The following AARS1 variants were observed in gnomAD, a reference collection of about 807,000 sequenced individuals.
AARS1 encodes alanyl-tRNA synthetase 1.
AARS1 carries 72 observed loss-of-function variants against 108.9 expected under a neutral mutation model. The observed-to-expected ratio is 0.66, with a 90% CI of 0.55 to 0.80. AARS1 has a LOEUF of 0.80. Ranked by LOEUF, AARS1 falls within the 30% of genes least tolerant of loss-of-function variation. The probability of loss-of-function intolerance (pLI) is 0.00; values close to 1 mark genes in which losing one functional copy is unlikely to be tolerated. For synonymous variants in AARS1, 489 were observed against 465.7 expected (o/e 1.05, Z -0.64); for missense variants, 1,193 against 1,233.2 (o/e 0.97, Z 0.49).
intron 5 of AARS1, among the ~76,000 whole-genome samples, chr16:70,271,079 G>C (rs1960389043): frequency 6.6e-6 from 1 of 152,034 alleles, no homozygotes; most frequent in South Asian, 2.1e-4. Flanking sequence ...GCAGGCTGAG[G>C]CAGGAGAATC....
intron 13 of AARS1, among the ~76,000 whole-genome samples, chr16:70,259,927 C>T (rs1960094172): frequency 6.6e-6 from 1 of 152,094 alleles, no homozygotes; most frequent in African/African-American, 2.4e-5. Context: ...CATGCACCAC[C>T]ACACCCGGCT....
At chr16:70,273,855 T>C (rs1458117991) in intron 4 of AARS1, among the ~76,000 whole-genome samples, 2 of 95,688 alleles carry the variant, frequency 2.1e-5, no homozygotes, top group African/African-American at 9.1e-5. Context: ...AGAGCGGGAC[T>C]CCGTCTCCAA....
intron 7 of AARS1, 131 bp from the exon 8 acceptor site, chr16:70,268,510 C>A (rs943635157): frequency 3.2e-5 from 22 of 698,246 alleles, no homozygotes; most frequent in Non-Finnish European, 5.1e-5. Flanking sequence ...TTTCGCATTC[C>A]CCAAGGTCAT....
intron 6 of AARS1, among the ~76,000 whole-genome samples, chr16:70,269,983 AT>A (rs200415664): frequency 1.0e-4 from 15 of 149,260 alleles, no homozygotes; most frequent in African/African-American, 1.5e-4. Context: ...TCACATTATT[AT>A]TTTTTTTTTG....
In AARS1 at chr16:70,252,858, A is replaced by C. The variant is rs766897796; in HGVS notation, c.2770T>G (p.Ser924Ala). ...LKASEWVQQVSGLMDGKGGGK... is the reference protein window; with the variant it reads ...LKASEWVQQVAGLMDGKGGGK... ...CCACCTTTACCGTCCATCAAGCCTGACACCTGCTGCACCCACTCGCTGGCT... is the reference window on the plus strand; with the variant it reads ...CCACCTTTACCGTCCATCAAGCCTGCCACCTGCTGCACCCACTCGCTGGCT... The change falls in exon 21 of 21, where the codon TCA becomes GCA. Residue 924 changes from serine (S) to alanine (A), a missense_variant. Transcript: ENST00000261772. 1.4e-5 allele frequency: 23 copies of C among 1,614,084 alleles called. No individual in the cohort carries two copies. The Admixed American group carries it at 3.8e-4, about 27-fold the overall frequency.
intron 2 of AARS1, among the ~76,000 whole-genome samples, chr16:70,277,758 CTTTT>C (rs573677725): frequency 4.4e-5 from 6 of 137,812 alleles, no homozygotes; most frequent in Non-Finnish European, 1.6e-5. Context: ...CCACTAGACA[CTTTT>C]TTTTTTTTTT....
rs1486071159 is a variant in AARS1, at chr16:70,261,173, G to GA, written c.1672-17dup. 6.4e-7 allele frequency: 1 copy of GA among 1,564,898 alleles called. No individual in the cohort carries two copies. The highest frequency in any genetic ancestry group is 8.8e-7 in the Non-Finnish European group (1 of 1,135,796). On this transcript the variant is annotated splice_polypyrimidine_tract_variant and intron_variant, in intron 12 of 20. Coordinates refer to ENST00000261772, the MANE Select transcript of AARS1 (RefSeq NM_001605.3). ...ACTCTGTTTTCTAAGAGGGGTCAAG[G>GA]AAGAGACCAATAAATAAATCCTTAA...
At chr16:70,261,390 G>A in intron 12 of AARS1, 2 of 375,046 alleles carry the variant, frequency 5.3e-6, no homozygotes, top group South Asian at 2.3e-5. Context: ...GAGGCCAGGA[G>A]TTCGAGACCA....
intron 7 of AARS1, among the ~76,000 whole-genome samples, chr16:70,268,732 C>T (rs180932708): frequency 1.3e-4 from 20 of 152,296 alleles, no homozygotes; most frequent in African/African-American, 4.1e-4. Flanking sequence ...TCACCCTGCC[C>T]CTGCCAATCT....
chr16:70,286,986 T>A (rs1597451294), intron 1 of AARS1, among the ~76,000 whole-genome samples: 1 of 150,672 alleles, frequency 6.6e-6, no homozygotes, highest in South Asian at 2.1e-4. Flanking sequence ...GCGCGGTGGC[T>A]CACGCCTGTA....
intron 2 of AARS1, among the ~76,000 whole-genome samples, chr16:70,281,868 C>G (rs1434864160): frequency 6.6e-6 from 1 of 150,406 alleles, no homozygotes; most frequent in African/African-American, 2.4e-5. Context: ...ATAATAATAG[C>G]TGGCCGGGCG....
At position 70,271,763 on chromosome 16, in the gene AARS1, G is replaced by T. The variant is rs1159729669; in HGVS notation, c.671+18C>A. The T allele has an allele frequency of 4.3e-6, 7 of 1,613,468 alleles. No homozygotes were observed. Among genetic ancestry groups the T allele is most frequent in the Non-Finnish European group, 5.1e-6 (6 of 1,179,550 alleles). ...TGCTCAGCTCAAGGAAAGGAATGGA[G>T]TAGGAACCCAAGGCTACCTGTTATA... On this transcript the variant is annotated intron_variant, in intron 5 of 20. Coordinates refer to ENST00000261772, the MANE Select transcript of AARS1 (RefSeq NM_001605.3).
chr16:70,282,484 C>T, intron 2 of AARS1, 136 bp downstream of exon 2: 2 of 1,057,056 alleles, frequency 1.9e-6, no homozygotes, highest in East Asian at 2.4e-5. Context: ...AAACTGAGGC[C>T]CATCACATAA....
intron 1 of AARS1, among the ~76,000 whole-genome samples, chr16:70,283,891 G>A (rs1249984668): frequency 6.6e-6 from 1 of 152,156 alleles, no homozygotes; most frequent in Non-Finnish European, 1.5e-5. Flanking sequence ...GGAACTGGTG[G>A]AGAGAGAAAA....
intron 9 of AARS1, among the ~76,000 whole-genome samples, chr16:70,266,047 C>T (rs1960255084): frequency 1.3e-5 from 2 of 152,174 alleles, no homozygotes; most frequent in African/African-American, 4.8e-5. Context: ...GGCGCTGTGG[C>T]TCACGCCTGT....
chr16:70,260,905 AC>A, intron 13 of AARS1, 138 bp downstream of exon 13: 1 of 641,380 alleles, frequency 1.6e-6, no homozygotes. Flanking sequence ...CTCATGATCC[AC>A]CCGCCTCGGC....
chr16:70,288,029 T>A (rs1960897759), intron 1 of AARS1, among the ~76,000 whole-genome samples: 1 of 151,110 alleles, frequency 6.6e-6, no homozygotes, highest in African/African-American at 2.4e-5. Context: ...CCTCCCAAAG[T>A]GCTGGGATTA....
intron 2 of AARS1, among the ~76,000 whole-genome samples, chr16:70,279,468 T>C (rs1960638300): frequency 6.6e-6 from 1 of 151,104 alleles, no homozygotes; most frequent in Non-Finnish European, 1.5e-5. Flanking sequence ...CAGACCAGCC[T>C]GGCCAACGTG....
intron 11 of AARS1, 52 bp downstream of exon 11, chr16:70,264,906 C>A: frequency 6.2e-7 from 1 of 1,610,006 alleles, no homozygotes; most frequent in South Asian, 1.1e-5. Flanking sequence ...TTTCAAATAC[C>A]CCCCAGATAC....
Sources: gnomAD v4.1 joint callset for allele counts (sites outside exome capture counted in the v4.1 genomes callset) on GRCh38, gnomAD v4.1.1 for gene constraint, MANE v1.5 for transcripts, NCBI Gene and HGNC (gene_info 2026-07-23, HGNC 2026-07-21) for gene names.